Variants in MINAR1 observed in about 807,000 individuals in gnomAD.
MINAR1 encodes major intrinsically disordered Notch2-binding receptor 1.
Under a neutral mutation model 65.1 loss-of-function variants are expected in MINAR1, and 40 were observed. The observed-to-expected ratio is 0.61, with a 90% CI of 0.48 to 0.80. The LOEUF (loss-of-function observed/expected upper bound fraction) is 0.80, where lower values mean the gene tolerates loss of function less well. MINAR1 is among the 30% of genes least tolerant of loss of function. The pLI is 0.00. For missense variants in MINAR1, 1,128 were observed against 1,148.0 expected (o/e 0.98, Z 0.25); for synonymous variants, 482 against 449.1 (o/e 1.07, Z -0.93).
chr15:79,411,505 C>A, the MINAR1 span: 1 of 702,156 alleles, frequency 1.4e-6, no homozygotes, highest in South Asian at 1.5e-5. Flanking sequence ...ACCCTCCTAA[C>A]AGATTTTCAG....
rs1057163033 is a variant in MINAR1 at position 79,457,157 on chromosome 15, C to T, written c.1010C>T (p.Ser337Phe). Residue 337 changes from serine (S) to phenylalanine (F), a missense_variant, in exon 2 of 4, where the codon TCT (serine) becomes TTT (phenylalanine). Coordinates refer to ENST00000305428, the MANE Select transcript of MINAR1 (RefSeq NM_015206.3). ...GAAAGCTTAGATGACCTTCAAGCCT[C>T]TACATATTTTGGGCCCACTCCCGTG... ...KHESLDDLQASTYFGPTPVMG... is the reference protein window; with the variant it reads ...KHESLDDLQAFTYFGPTPVMG... 1.5e-5 allele frequency: 24 copies of T among 1,614,182 alleles called. No homozygotes were observed. Among genetic ancestry groups the T allele is most frequent in the Admixed American group, 6.7e-5 (4 of 60,022 alleles).
At position 79,468,424 on chromosome 15, in the gene MINAR1, T is replaced by C. The variant is rs1433712114; in HGVS notation, c.*40T>C. ...CTTACGTACAGCTTATGACTACCAA[T>C]GTCGTCGTCTGTATCTTAGAATCTT... On this transcript the variant is annotated 3_prime_UTR_variant, in exon 4 of 4. Coordinates refer to ENST00000305428, the MANE Select transcript of MINAR1 (RefSeq NM_015206.3). The C allele has an allele frequency of 6.4e-7, 1 of 1,556,936 alleles. No homozygotes were observed. Among genetic ancestry groups the C allele is most frequent in the Admixed American group, 1.7e-5 (1 of 57,180 alleles).
chr15:79,458,637 T>C (rs1895531395), intron 2 of MINAR1, among the ~76,000 whole-genome samples, 192 bp downstream of exon 2: 1 of 152,212 alleles, frequency 6.6e-6, no homozygotes, highest in African/African-American at 2.4e-5. Context: ...TCCACCAGGT[T>C]GTCCATCAGC....
intron 3 of MINAR1, among the ~76,000 whole-genome samples, chr15:79,467,948 C>T (rs554446016): frequency 1.2e-4 from 18 of 152,214 alleles, no homozygotes; most frequent in Admixed American, 2.0e-4. Context: ...TTGGGTTTCT[C>T]TGTGTCAAAA....
intron 3 of MINAR1, among the ~76,000 whole-genome samples, chr15:79,466,705 G>C (rs961069998): frequency 6.6e-6 from 1 of 152,206 alleles, no homozygotes; most frequent in African/African-American, 2.4e-5. Flanking sequence ...AGGGCCTGCG[G>C]GTTGTCAGTG....
chr15:79,455,385 G>A (rs112269826), intron 1 of MINAR1, among the ~76,000 whole-genome samples: 1 of 151,878 alleles, frequency 6.6e-6, no homozygotes, highest in African/African-American at 2.4e-5. Flanking sequence ...TCTTCATTAT[G>A]TAATTTCTAA....
chr15:79,424,392 G>C, the MINAR1 span: 5 of 152,104 alleles, frequency 3.3e-5, no homozygotes, highest in Non-Finnish European at 5.9e-5. Flanking sequence ...AATTCTTTTT[G>C]AAGTTCAGTC....
intron 2 of MINAR1, among the ~76,000 whole-genome samples, chr15:79,461,005 T>C (rs905214385): frequency 6.6e-6 from 1 of 152,218 alleles, no homozygotes; most frequent in African/African-American, 2.4e-5. Context: ...ATCTAAGTCC[T>C]ATGCTCCCGT....
intron 2 of MINAR1, among the ~76,000 whole-genome samples, chr15:79,461,173 G>A (rs1279298695): frequency 6.6e-6 from 1 of 152,236 alleles, no homozygotes; most frequent in Non-Finnish European, 1.5e-5. Context: ...CACAAACTCA[G>A]TGATACGAAC....
chr15:79,458,594 G>A (rs1895528744), intron 2 of MINAR1, 149 bp downstream of exon 2: 2 of 958,178 alleles, frequency 2.1e-6, no homozygotes, highest in South Asian at 1.7e-5. Flanking sequence ...TTTCACATTG[G>A]AATAGAGAGG....
chr15:79,422,997 G>A, the MINAR1 span: 8 of 152,130 alleles, frequency 5.3e-5, no homozygotes, highest in Non-Finnish European at 1.2e-4. Flanking sequence ...GCATTTCCTT[G>A]CAAATGTGTG....
chr15:79,454,564 G>C (rs1895347620), intron 1 of MINAR1, among the ~76,000 whole-genome samples: 1 of 152,116 alleles, frequency 6.6e-6, no homozygotes, highest in South Asian at 2.1e-4. Flanking sequence ...TCAACAAAGG[G>C]CTTCACCTTC....
chr15:79,435,276 CAAA>C (rs35709335), intron 1 of MINAR1, among the ~76,000 whole-genome samples: 1,486 of 140,940 alleles, frequency 0.011, 29 homozygotes, highest in African/African-American at 0.039. Context: ...AAATCCGTCT[CAAA>C]AAAAAAAAAA....
intron 1 of MINAR1, among the ~76,000 whole-genome samples, chr15:79,434,760 A>T (rs1385885444): frequency 6.6e-6 from 1 of 152,248 alleles, no homozygotes; most frequent in Non-Finnish European, 1.5e-5. Flanking sequence ...ATTTCAAAAA[A>T]AGAAAAGAAG....
chr15:79,468,430 C>T lies in MINAR1; in HGVS notation c.*46C>T, dbSNP rs755703415. On this transcript the variant is annotated 3_prime_UTR_variant, in exon 4 of 4. Transcript: ENST00000305428. Reference sequence around the variant, plus strand: ...TACAGCTTATGACTACCAATGTCGTCGTCTGTATCTTAGAATCTTGCAGCA... The same window carrying T: ...TACAGCTTATGACTACCAATGTCGTTGTCTGTATCTTAGAATCTTGCAGCA... 7 of 1,540,842 alleles carry T rather than the reference C, an allele frequency of 4.5e-6. No homozygotes were observed. Among genetic ancestry groups the T allele is most frequent in the African/African-American group, 2.7e-5 (2 of 73,344 alleles).
At chr15:79,415,411 G>A in the MINAR1 span, 4 of 152,188 alleles carry the variant, frequency 2.6e-5, no homozygotes, top group Non-Finnish European at 4.4e-5. Context: ...TCCAAAGCAC[G>A]AAGGAGCTAC....
At chr15:79,463,662 G>A (rs1225064872) in intron 3 of MINAR1, 2 of 522,538 alleles carry the variant, frequency 3.8e-6, no homozygotes, top group African/African-American at 3.8e-5. Flanking sequence ...ACTGTTTAAT[G>A]AAATACAAGC....
rs376543684 is a variant in MINAR1, at chr15:79,451,994, AAG to A, written c.-50-4101_-50-4100del. ...AGAGCTAAGAGACACCTAGGAGAGA[AAG>A]AGTGTGGAGATTGTGAGTGAGCCTG... is the stretch of plus-strand genomic sequence containing the variant. On this transcript the variant is annotated intron_variant, in intron 1 of 3. Coordinates refer to ENST00000305428, the MANE Select transcript of MINAR1 (RefSeq NM_015206.3). 2.5e-3 allele frequency among the ~76,000 whole-genome samples: 377 copies of A among 152,254 alleles called. 2 individuals carry two copies. Among genetic ancestry groups the A allele is most frequent in the African/African-American group, 8.8e-3 (367 of 41,546 alleles).
intron 2 of MINAR1, among the ~76,000 whole-genome samples, chr15:79,460,825 A>G (rs1202940862): frequency 6.6e-6 from 1 of 152,214 alleles, no homozygotes; most frequent in East Asian, 1.9e-4. Flanking sequence ...ACCCTGCTCT[A>G]CCTTGATGAG....
Sources: gnomAD v4.1 joint callset for allele counts (sites outside exome capture counted in the v4.1 genomes callset) on GRCh38, gnomAD v4.1.1 for gene constraint, MANE v1.5 for transcripts, NCBI Gene and HGNC (gene_info 2026-07-23, HGNC 2026-07-21) for gene names.